The following CSMD3 variants were observed in gnomAD, a reference collection of about 807,000 sequenced individuals.
The protein encoded by CSMD3 is CUB and sushi domain-containing protein 3.
In CSMD3, 177 loss-of-function variants were observed where a neutral mutation model predicts 435.2. The ratio of observed to expected loss-of-function variants is 0.41; its 90% confidence interval spans 0.36 to 0.46. The LOEUF (loss-of-function observed/expected upper bound fraction) is 0.46, where lower values mean the gene tolerates loss of function less well. CSMD3 is among the 20% of genes least tolerant of loss of function. The pLI is 0.34. For synonymous variants in CSMD3, 1,656 were observed against 1,520.5 expected, an observed-to-expected ratio of 1.09 and a Z score of -2.07; for missense variants, 4,265 against 4,504.6, an observed-to-expected ratio of 0.95 and a Z score of 1.52.
intron 63 of CSMD3, among the ~76,000 whole-genome samples, chr8:112,252,679 G>GTGTA (rs982164893): frequency 7.1e-6 from 1 of 141,440 alleles, no homozygotes; most frequent in African/African-American, 2.5e-5. Context: ...ATGTGTGTGT[G>GTGTA]TATATATATA....
chr8:112,702,845 T>A (rs895029562), intron 13 of CSMD3, among the ~76,000 whole-genome samples: 1 of 152,052 alleles, frequency 6.6e-6, no homozygotes, highest in Non-Finnish European at 1.5e-5. Context: ...CATACCGCTG[T>A]CCTCCAAGCT....
intron 6 of CSMD3, among the ~76,000 whole-genome samples, chr8:112,994,003 ACTTAT>A (rs2085551615): frequency 6.6e-6 from 1 of 151,788 alleles, no homozygotes; most frequent in Non-Finnish European, 1.5e-5. Context: ...ACAAAACATC[ACTTAT>A]CTTACATGTA....
intron 30 of CSMD3, among the ~76,000 whole-genome samples, chr8:112,502,672 A>T (rs929100715): frequency 2.0e-5 from 3 of 152,072 alleles, no homozygotes; most frequent in African/African-American, 7.2e-5. Flanking sequence ...GTAATATTTG[A>T]TTTTTTAAAG....
At chr8:112,644,592 T>A (rs13258944) in intron 20 of CSMD3, among the ~76,000 whole-genome samples, 2 of 152,076 alleles carry the variant, frequency 1.3e-5, no homozygotes, top group East Asian at 3.9e-4. Flanking sequence ...TTACACTCTA[T>A]GTGAGACATA....
At chr8:112,286,351 A>G (rs1401565871) in intron 58 of CSMD3, among the ~76,000 whole-genome samples, 5 of 152,154 alleles carry the variant, frequency 3.3e-5, no homozygotes, top group African/African-American at 1.2e-4. Flanking sequence ...TTCCAGAAAT[A>G]GCCAATCCAT....
chr8:113,345,769 T>C (rs1396835434), intron 1 of CSMD3, among the ~76,000 whole-genome samples: 2 of 152,138 alleles, frequency 1.3e-5, no homozygotes, highest in African/African-American at 4.8e-5. Context: ...CTTATTCCTA[T>C]CTTCAGTTGA....
chr8:113,366,087 G>A (rs1302592639), intron 1 of CSMD3, among the ~76,000 whole-genome samples: 1 of 151,818 alleles, frequency 6.6e-6, no homozygotes, highest in African/African-American at 2.4e-5. Flanking sequence ...AAAAGGTGGG[G>A]GCAAGAATAC....
chr8:112,918,385 A>G (rs918599349), intron 10 of CSMD3, among the ~76,000 whole-genome samples: 2 of 151,788 alleles, frequency 1.3e-5, no homozygotes, highest in Non-Finnish European at 1.5e-5. Context: ...TTGCCCTTGT[A>G]ACTTAACGGA....
chr8:113,178,279 TC>T (rs2131913757), intron 3 of CSMD3, among the ~76,000 whole-genome samples: 1 of 152,052 alleles, frequency 6.6e-6, no homozygotes, highest in Admixed American at 6.6e-5. Flanking sequence ...TAAGTAACTT[TC>T]CAAAGGCCAC....
chr8:112,540,995 A>G (rs1826609581), intron 27 of CSMD3, among the ~76,000 whole-genome samples: 1 of 152,080 alleles, frequency 6.6e-6, no homozygotes, highest in Admixed American at 6.6e-5. Flanking sequence ...TGATAATTAC[A>G]TATTGTATGC....
At chr8:112,615,999 C>T (rs1046778613) in intron 22 of CSMD3, among the ~76,000 whole-genome samples, 3 of 152,070 alleles carry the variant, frequency 2.0e-5, no homozygotes, top group African/African-American at 7.2e-5. Context: ...CTTTGTGCCA[C>T]CATCGAAATG....
rs1003802995 is a variant in CSMD3, at chr8:112,223,368, C to A, written c.*1403G>T. Reference sequence around the variant, plus strand: ...CATGATACAAAAAGTCAAGACTGTTCACAGAGTTATCCATATTTGAAAGGG... The same window carrying A: ...CATGATACAAAAAGTCAAGACTGTTAACAGAGTTATCCATATTTGAAAGGG... On this transcript the variant is annotated 3_prime_UTR_variant, in exon 71 of 71. Transcript: ENST00000297405. 2 of 295,138 alleles carry A rather than the reference C, an allele frequency of 6.8e-6. No homozygotes were observed. The highest frequency in any genetic ancestry group is 1.2e-5 in the Non-Finnish European group (2 of 160,372). The allele number at this position is 295,138 out of a possible 1,614,324, so 18.3% of individuals were successfully genotyped here.
chr8:112,435,135 T>C (rs575369523), intron 32 of CSMD3, among the ~76,000 whole-genome samples: 1 of 152,196 alleles, frequency 6.6e-6, no homozygotes, highest in Admixed American at 6.6e-5. Context: ...ACAATGTTTT[T>C]GAAATAAGCA....
intron 5 of CSMD3, among the ~76,000 whole-genome samples, chr8:113,086,741 T>A (rs1265628525): frequency 6.6e-6 from 1 of 152,158 alleles, no homozygotes; most frequent in African/African-American, 2.4e-5. Context: ...GTATGATATT[T>A]TATTGGTTTT....
chr8:112,349,118 G>T (rs1183855240), intron 40 of CSMD3, among the ~76,000 whole-genome samples: 1 of 142,302 alleles, frequency 7.0e-6, no homozygotes, highest in East Asian at 1.9e-4. Flanking sequence ...TATGAGATGT[G>T]TTCATAATAA....
chr8:112,491,570 A>C (rs1179212258), intron 31 of CSMD3, among the ~76,000 whole-genome samples: 1 of 152,018 alleles, frequency 6.6e-6, no homozygotes, highest in Non-Finnish European at 1.5e-5. Context: ...GAATCACTTG[A>C]TTGCGGGAGG....
chr8:112,718,529 AT>A (rs1443006837), intron 13 of CSMD3, among the ~76,000 whole-genome samples: 1 of 150,422 alleles, frequency 6.6e-6, no homozygotes, highest in Non-Finnish European at 1.5e-5. Context: ...ATATATATAT[AT>A]ATATATGCAT....
chr8:112,954,608 AAC>A, intron 8 of CSMD3, 74 bp downstream of exon 8: 2 of 875,608 alleles, frequency 2.3e-6, no homozygotes, highest in Non-Finnish European at 3.8e-6. Flanking sequence ...ATTTTGGTAA[AAC>A]ACATACAAAC....
At chr8:112,427,461 C>T (rs950642484) in intron 32 of CSMD3, among the ~76,000 whole-genome samples, 4 of 152,116 alleles carry the variant, frequency 2.6e-5, no homozygotes, top group African/African-American at 9.7e-5. Flanking sequence ...TCCTATGCTG[C>T]CACCACGTGA....
Sources: gnomAD v4.1 joint callset for allele counts (sites outside exome capture counted in the v4.1 genomes callset) on GRCh38, gnomAD v4.1.1 for gene constraint, MANE v1.5 for transcripts, NCBI Gene and HGNC (gene_info 2026-07-23, HGNC 2026-07-21) for gene names.